Variants in UBASH3B observed in about 807,000 individuals in gnomAD.
UBASH3B encodes the protein ubiquitin associated and SH3 domain containing B.
Under a neutral mutation model 83.4 loss-of-function variants are expected in UBASH3B, and 37 were observed. The ratio of observed to expected loss-of-function variants is 0.44; its 90% confidence interval spans 0.34 to 0.58. UBASH3B has a LOEUF of 0.58. Among genes scored for constraint, UBASH3B ranks in the 20% least tolerant of loss-of-function variants. The pLI, the probability that UBASH3B is intolerant of heterozygous loss-of-function variation, is 0.01. For synonymous variants in UBASH3B, 304 were observed against 318.3 expected (o/e 0.96, Z 0.48); for missense variants, 657 against 827.2 (o/e 0.79, Z 2.52).
chr11:122,769,734 TG>T (rs1490341753), intron 1 of UBASH3B, among the ~76,000 whole-genome samples: 2 of 152,254 alleles, frequency 1.3e-5, no homozygotes, highest in African/African-American at 4.8e-5. Flanking sequence ...TCTTCCGTTG[TG>T]GCAACAATGA....
At chr11:122,786,699 A>G (rs977576386) in intron 5 of UBASH3B, among the ~76,000 whole-genome samples, 32 of 152,170 alleles carry the variant, frequency 2.1e-4, no homozygotes, top group African/African-American at 7.2e-4. Flanking sequence ...CAAACATAAA[A>G]CAAAAGAATA....
In UBASH3B at chr11:122,783,070, C is replaced by T; in HGVS notation, c.619C>T (p.His207Tyr). 2.5e-6 allele frequency: 4 copies of T among 1,613,062 alleles called. No homozygotes were observed. The highest frequency in any genetic ancestry group is 3.4e-6 in the Non-Finnish European group (4 of 1,179,658). ...ASKTEVHVEP[H>Y]KKQLHVTLAY... ...TTTTCCAGAAGTGCATGTGGAACCTCATAAGAAGCAGCTACATGTGACCCT... is the reference window on the plus strand; with the variant it reads ...TTTTCCAGAAGTGCATGTGGAACCTTATAAGAAGCAGCTACATGTGACCCT... The change falls in exon 5 of 14, where the codon CAT becomes TAT. Residue 207 changes from histidine to tyrosine, a missense_variant. Physicochemically the swap from His to Tyr is moderately conservative, Grantham distance 83. Around this residue, in one of 3 missense-constraint regions of UBASH3B, gnomAD observed 573 missense variants for 739.0 expected, o/e 0.78. Coordinates refer to ENST00000284273, the MANE Select transcript of UBASH3B (RefSeq NM_032873.5).
intron 1 of UBASH3B, among the ~76,000 whole-genome samples, chr11:122,752,783 G>A (rs1347690550): frequency 6.6e-6 from 1 of 152,196 alleles, no homozygotes; most frequent in Non-Finnish European, 1.5e-5. Flanking sequence ...ACTCGAAAGC[G>A]ACTTGAGGGC....
rs1861457981 is a variant in UBASH3B, at chr11:122,812,053, CTAGGTTATCT to C, written c.*2171_*2180del. 3.3e-5 allele frequency: 5 copies of C among 152,236 alleles called. No homozygotes were observed. The South Asian group carries it at 1.0e-3, about 32-fold the overall frequency. 9.4% of individuals were successfully genotyped at this position (152,236 alleles called of 1,614,324 possible). ...TGGAATAGGTTATCCACTCCATCTT[CTAGGTTATCT>C]TAGTTGTATGACGAACTGATAAATC... On this transcript the variant is annotated 3_prime_UTR_variant, in exon 14 of 14. Coordinates refer to ENST00000284273, the MANE Select transcript of UBASH3B (RefSeq NM_032873.5).
chr11:122,656,262 G>A, intron 1 of UBASH3B, 52 bp downstream of exon 1: 1 of 1,332,018 alleles, frequency 7.5e-7, no homozygotes, highest in Non-Finnish European at 9.7e-7. Flanking sequence ...CGCGCGGCCG[G>A]CCCTCGGCTT....
At chr11:122,745,556 C>G (rs1861105184) in intron 1 of UBASH3B, among the ~76,000 whole-genome samples, 1 of 152,240 alleles carries the variant, frequency 6.6e-6, no homozygotes, top group Non-Finnish European at 1.5e-5. Context: ...GAGACTCCGG[C>G]TTTTTCTGGC....
chr11:122,711,805 C>A (rs1864196464), intron 1 of UBASH3B, among the ~76,000 whole-genome samples: 1 of 152,212 alleles, frequency 6.6e-6, no homozygotes. Flanking sequence ...TGACTACATA[C>A]ACCCCTCACA....
At chr11:122,754,196 C>G (rs1861248283) in intron 1 of UBASH3B, among the ~76,000 whole-genome samples, 1 of 152,206 alleles carries the variant, frequency 6.6e-6, no homozygotes, top group African/African-American at 2.4e-5. Context: ...AGACAAATTA[C>G]AGGGGAAATG....
At chr11:122,805,122 A>G (rs943950251) in intron 11 of UBASH3B, among the ~76,000 whole-genome samples, 1 of 152,266 alleles carries the variant, frequency 6.6e-6, no homozygotes, top group Non-Finnish European at 1.5e-5. Context: ...TTATAGTTAC[A>G]TGTGACTGGG....
At chr11:122,719,178 A>G (rs1860581449) in intron 1 of UBASH3B, among the ~76,000 whole-genome samples, 1 of 152,258 alleles carries the variant, frequency 6.6e-6, no homozygotes, top group Non-Finnish European at 1.5e-5. Context: ...CTGAGGTTAA[A>G]AGTAACTTGT....
chr11:122,796,806 T>A, intron 8 of UBASH3B, 105 bp from the exon 9 acceptor site: 2 of 1,512,224 alleles, frequency 1.3e-6, no homozygotes, highest in Non-Finnish European at 1.8e-6. Context: ...CAGTGTGATC[T>A]CTTTGGCCAA....
chr11:122,756,550 A>G (rs752792058), intron 1 of UBASH3B, among the ~76,000 whole-genome samples: 10 of 152,006 alleles, frequency 6.6e-5, no homozygotes, highest in Non-Finnish European at 1.0e-4. Context: ...CCTCTTTCAC[A>G]TTACTGATGG....
rs533883982 is a variant in UBASH3B, at chr11:122,779,640, G to A, written c.546G>A (p.Ala182=). 2.8e-5 allele frequency: 46 copies of A among 1,614,174 alleles called. No homozygotes were observed. The highest frequency in any genetic ancestry group is 4.5e-5 in the East Asian group (2 of 44,880). ...GCCTCTTTGTAAAGGAAGACAGTGC[G>A]GAGGTCCTCAAGAAGTTTGCTGCTG... ...FIGLFVKEDS[A]EVLKKFAADF... is the part of the protein sequence containing the mutation. Residue 182 remains alanine (A), a synonymous_variant, in exon 4 of 14, where the codon GCG becomes GCA. Coordinates refer to ENST00000284273, the MANE Select transcript of UBASH3B (RefSeq NM_032873.5).
chr11:122,785,371 C>T (rs1486907877), intron 5 of UBASH3B, among the ~76,000 whole-genome samples: 23 of 152,262 alleles, frequency 1.5e-4, no homozygotes, highest in Non-Finnish European at 2.6e-4. Context: ...TCAACATGCC[C>T]CCAGGAGGCA....
In UBASH3B at chr11:122,721,794, C is replaced by T. The variant is rs1013860069; in HGVS notation, c.162-54425C>T. Among the ~76,000 whole-genome samples, 29 of 152,162 alleles carry T rather than the reference C, an allele frequency of 1.9e-4. 1 individual carries two copies. Among genetic ancestry groups the T allele is most frequent in the Admixed American group, 1.9e-3 (29 of 15,268 alleles). On this transcript the variant is annotated intron_variant, in intron 1 of 13. Coordinates refer to ENST00000284273, the MANE Select transcript of UBASH3B (RefSeq NM_032873.5). ...AGGTCTCCTAACATAACTTCTTAGGCTTAGTAGCTCATTGGCAAATCCGTT... is the reference window on the plus strand; with the variant it reads ...AGGTCTCCTAACATAACTTCTTAGGTTTAGTAGCTCATTGGCAAATCCGTT...
At position 122,796,292 on chromosome 11, in the gene UBASH3B, G is replaced by C. The variant is rs79447748; in HGVS notation, c.1234+16G>C. 1.9e-3 allele frequency: 3,083 copies of C among 1,613,308 alleles called. 50 individuals are homozygous for C. The African/African-American group carries it at 0.036, about 19-fold the overall frequency. On this transcript the variant is annotated intron_variant, in intron 8 of 13. Coordinates refer to ENST00000284273, the MANE Select transcript of UBASH3B (RefSeq NM_032873.5). ...GATGCCAAAGGTGAGTTGGTGGTGG[G>C]CCTGCTCAGCACTGCCATACCCATA...
intron 1 of UBASH3B, among the ~76,000 whole-genome samples, chr11:122,723,942 G>T (rs941454580): frequency 1.3e-5 from 2 of 152,192 alleles, no homozygotes; most frequent in African/African-American, 4.8e-5. Flanking sequence ...TTTTGTCCTA[G>T]CTGGTTCTGT....
chr11:122,700,103 C>G (rs930274883), intron 1 of UBASH3B, among the ~76,000 whole-genome samples: 1 of 152,154 alleles, frequency 6.6e-6, no homozygotes, highest in Non-Finnish European at 1.5e-5. Context: ...ACCCGACATG[C>G]TGCACATCTG....
At chr11:122,735,165 C>T (rs1021893977) in intron 1 of UBASH3B, among the ~76,000 whole-genome samples, 3 of 152,148 alleles carry the variant, frequency 2.0e-5, no homozygotes, top group African/African-American at 4.8e-5. Context: ...AGCAAAATGA[C>T]ATTAGAACAA....
Sources: gnomAD v4.1 joint callset for allele counts (sites outside exome capture counted in the v4.1 genomes callset) on GRCh38, gnomAD v4.1.1 for gene constraint, gnomAD v4.1.1 regional missense constraint, MANE v1.5 for transcripts, NCBI Gene and HGNC (gene_info 2026-07-23, HGNC 2026-07-21) for gene names.